The following PTK2 variants were observed in gnomAD, a reference collection of about 807,000 sequenced individuals.
PTK2 encodes protein tyrosine kinase 2.
In PTK2, 45 loss-of-function variants were observed where a neutral mutation model predicts 150.1. The ratio of observed to expected loss-of-function variants is 0.30; its 90% CI spans 0.24 to 0.38. PTK2 has a LOEUF of 0.38. Ranked by LOEUF, PTK2 falls within the 10% of genes least tolerant of loss-of-function variation. PTK2 has a pLI of 1.00. For synonymous variants in PTK2, 432 were observed against 449.2 expected (o/e 0.96, Z 0.48); for missense variants, 919 against 1,307.3 (o/e 0.70, Z 4.58).
chr8:140,948,432 T>C (rs1311869108), intron 1 of PTK2, among the ~76,000 whole-genome samples: 1 of 152,124 alleles, frequency 6.6e-6, no homozygotes, highest in Non-Finnish European at 1.5e-5. Flanking sequence ...TATCTTTATC[T>C]TAAAAGGAAT....
intron 23 of PTK2, among the ~76,000 whole-genome samples, chr8:140,713,734 T>C (rs2100038002): frequency 6.6e-6 from 1 of 152,200 alleles, no homozygotes; most frequent in African/African-American, 2.4e-5. Flanking sequence ...ATGCAGGGCT[T>C]GTCTCAGGGA....
intron 1 of PTK2, among the ~76,000 whole-genome samples, chr8:140,976,046 C>A (rs537224509): frequency 1.6e-4 from 25 of 152,310 alleles, no homozygotes; most frequent in African/African-American, 5.1e-4. Flanking sequence ...GTATACCACT[C>A]TACACAGTAA....
intron 1 of PTK2, among the ~76,000 whole-genome samples, chr8:140,941,771 TC>T (rs2100175871): frequency 6.6e-6 from 1 of 152,164 alleles, no homozygotes; most frequent in East Asian, 1.9e-4. Context: ...AGTGGCATGA[TC>T]TCAGCTCAAT....
At chr8:140,686,791 C>A (rs976961066) in intron 26 of PTK2, 97 bp from the exon 30 acceptor site, 16 of 1,045,378 alleles carry the variant, frequency 1.5e-5, no homozygotes, top group Non-Finnish European at 2.3e-5. Context: ...ACACAATTGT[C>A]CTCTGAATAA....
At chr8:140,744,909 T>A in intron 18 of PTK2, 142 bp from the exon 22 acceptor site, 2 of 447,130 alleles carry the variant, frequency 4.5e-6, no homozygotes, top group East Asian at 6.3e-5. Flanking sequence ...TCAAGTCTCT[T>A]CTAATAAAGC....
chr8:140,884,182 T>C (rs552078268), intron 3 of PTK2, among the ~76,000 whole-genome samples: 2 of 152,186 alleles, frequency 1.3e-5, no homozygotes, highest in South Asian at 4.1e-4. Flanking sequence ...GGGATTAGGA[T>C]GTAGGCATCT....
intron 12 of PTK2, chr8:140,799,355 A>C (rs2100093592): frequency 6.6e-6 from 1 of 152,234 alleles, no homozygotes; most frequent in Non-Finnish European, 1.5e-5. Context: ...TCGCTGTTTA[A>C]TACAATTCTG....
chr8:140,980,853 C>G (rs780823028), intron 1 of PTK2, among the ~76,000 whole-genome samples: 1 of 148,028 alleles, frequency 6.8e-6, no homozygotes, highest in South Asian at 2.2e-4. Context: ...CAGGTTCAAA[C>G]GATTCTCCTG....
intron 14 of PTK2, among the ~76,000 whole-genome samples, chr8:140,768,349 G>A (rs780928163): frequency 8.5e-5 from 13 of 152,220 alleles, no homozygotes; most frequent in Non-Finnish European, 1.5e-4. Context: ...CTAATTCATA[G>A]TATTGAGAAA....
intron 5 of PTK2, among the ~76,000 whole-genome samples, chr8:140,858,040 C>T (rs1377418773): frequency 6.6e-6 from 1 of 152,042 alleles, no homozygotes; most frequent in Non-Finnish European, 1.5e-5. Flanking sequence ...TAATAAAAGG[C>T]AGATAGATTA....
chr8:140,949,593 G>A (rs577141566), intron 1 of PTK2, among the ~76,000 whole-genome samples: 1 of 152,328 alleles, frequency 6.6e-6, no homozygotes, highest in East Asian at 1.9e-4. Flanking sequence ...ACATGCTCGA[G>A]GCAGCGCTGA....
At chr8:140,947,638 A>G (rs2100178140) in intron 1 of PTK2, among the ~76,000 whole-genome samples, 1 of 151,912 alleles carries the variant, frequency 6.6e-6, no homozygotes, top group Admixed American at 6.6e-5. Context: ...TTTTTTTTAA[A>G]GGTAAATAAG....
At chr8:140,835,721 C>G (rs981174958) in intron 7 of PTK2, among the ~76,000 whole-genome samples, 1 of 152,060 alleles carries the variant, frequency 6.6e-6, no homozygotes, top group Non-Finnish European at 1.5e-5. Context: ...TATTAAACAG[C>G]AGGTTCATAA....
At chr8:140,728,678 C>T (rs747469335) in intron 22 of PTK2, among the ~76,000 whole-genome samples, 47 of 152,100 alleles carry the variant, frequency 3.1e-4, no homozygotes, top group Non-Finnish European at 6.0e-4. Context: ...TGCCACCACG[C>T]CCGGCTATTT....
At chr8:140,857,664 T>C (rs1402757949) in intron 5 of PTK2, among the ~76,000 whole-genome samples, 2 of 152,174 alleles carry the variant, frequency 1.3e-5, no homozygotes, top group Non-Finnish European at 2.9e-5. Flanking sequence ...ACAGAGGACA[T>C]GTATGCTCTC....
Position 140,694,216 on chromosome 8 carries a change from AT to A in PTK2, c.2499+6674del, listed in dbSNP as rs1201766001. Among the ~76,000 whole-genome samples, 14 of 151,198 alleles carry A rather than the reference AT, an allele frequency of 9.3e-5. No individual in the cohort carries two copies. The East Asian group carries it at 2.7e-3, about 30-fold the overall frequency. On this transcript the variant is annotated intron_variant, in intron 26 of 31. Transcript: ENST00000522684. ...CCACTACGCCCAGCTAATTTTTTGT[AT>A]TTTTTAGTAGAGACGGGGTTTCACC...
intron 2 of PTK2, chr8:140,920,847 C>T (rs747208565): frequency 2.0e-5 from 31 of 1,527,042 alleles, no homozygotes; most frequent in East Asian, 7.5e-5. Context: ...GGACTACATC[C>T]GCTTTTCTCC....
chr8:140,762,516 C>T (rs1203999122), intron 15 of PTK2, 128 bp from the exon 18 acceptor site: 1 of 324,640 alleles, frequency 3.1e-6, no homozygotes, highest in Non-Finnish European at 4.5e-6. Context: ...ATTTTAAGCA[C>T]AAATATGAAT....
In PTK2 at chr8:140,673,990, T is replaced by C. The variant is rs536154293; in HGVS notation, c.2709+308A>G. The C allele has an allele frequency of 5.1e-4, 245 of 480,522 alleles. 5 individuals are homozygous for C. Among genetic ancestry groups the C allele is most frequent in the South Asian group, 3.7e-3 (226 of 61,622 alleles). The allele number at this position is 480,522 out of a possible 1,614,324, so 29.8% of individuals were successfully genotyped here. ...TAAAACCAGAAACAATCTTGGCACT[T>C]TGTTCTAAAGAAAACATTCTGTCTG... On this transcript the variant is annotated intron_variant, in intron 29 of 31. Coordinates refer to ENST00000522684, the Ensembl canonical transcript of PTK2.
Sources: gnomAD v4.1 joint callset for allele counts (sites outside exome capture counted in the v4.1 genomes callset) on GRCh38, gnomAD v4.1.1 for gene constraint, MANE v1.5 for transcripts, NCBI Gene and HGNC (gene_info 2026-07-23, HGNC 2026-07-21) for gene names.